Variants in RBFOX2 observed in about 807,000 individuals in gnomAD.
The protein encoded by RBFOX2 is RNA binding protein fox-1 homolog 2.
In RBFOX2, 10 loss-of-function variants were observed where a neutral mutation model predicts 49.1. The observed-to-expected ratio is 0.20, with a 90% CI of 0.13 to 0.35. RBFOX2 has a LOEUF of 0.35. Ranked by LOEUF, RBFOX2 falls within the 10% of genes least tolerant of loss-of-function variation. The pLI is 1.00. For synonymous variants in RBFOX2, 183 were observed against 187.4 expected (o/e 0.98, Z 0.19); for missense variants, 323 against 486.9 (o/e 0.66, Z 3.17).
At chr22:35,880,185 T>C (rs1446480588) in intron 1 of RBFOX2, among the ~76,000 whole-genome samples, 2 of 151,666 alleles carry the variant, frequency 1.3e-5, no homozygotes, top group Non-Finnish European at 2.9e-5. Context: ...TAGTATGGAT[T>C]GAATTTAGGT....
intron 1 of RBFOX2, among the ~76,000 whole-genome samples, chr22:35,816,048 T>C (rs1394954578): frequency 6.6e-6 from 1 of 152,124 alleles, no homozygotes; most frequent in Non-Finnish European, 1.5e-5. Flanking sequence ...ACACTGGATT[T>C]AAAATCATCT....
At chr22:35,993,128 G>A in intron 1 of RBFOX2, 1 of 152,146 alleles carries the variant, frequency 6.6e-6, no homozygotes, top group Non-Finnish European at 1.5e-5. Flanking sequence ...ATAAACAGAT[G>A]CATATACAAG....
chr22:35,902,058 C>A (rs185742175), intron 1 of RBFOX2, among the ~76,000 whole-genome samples: 8 of 151,646 alleles, frequency 5.3e-5, no homozygotes, highest in Non-Finnish European at 1.2e-4. Flanking sequence ...CCAGCCTGGG[C>A]GACAGAGTGA....
intron 6 of RBFOX2, among the ~76,000 whole-genome samples, chr22:35,761,671 T>TG (rs1938930439): frequency 2.0e-5 from 3 of 150,990 alleles, no homozygotes; most frequent in Admixed American, 1.3e-4. Context: ...GGGCTGGGGC[T>TG]GGGGGGCTTG....
In RBFOX2 at chr22:35,818,472, A is replaced by G. The variant is rs1439014135; in HGVS notation, c.28-8468T>C. Among the ~76,000 whole-genome samples the G allele has an allele frequency of 3.3e-5, 5 of 152,288 alleles. No homozygotes were observed. In the East Asian group the frequency reaches 9.7e-4, roughly 29 times the overall value. On this transcript the variant is annotated intron_variant, in intron 1 of 11. Transcript: ENST00000405409. The stretch of plus-strand genomic sequence containing the variant: ...ATGGACAATTAAGTTTGCATCTTCC[A>G]TATGCTAAACTGGAATAGCCTTAAA...
At chr22:35,902,362 C>G (rs1253974993) in intron 1 of RBFOX2, among the ~76,000 whole-genome samples, 1 of 152,174 alleles carries the variant, frequency 6.6e-6, no homozygotes, top group African/African-American at 2.4e-5. Flanking sequence ...ATCACTGCCA[C>G]CTGACACAAC....
intron 1 of RBFOX2, among the ~76,000 whole-genome samples, chr22:35,884,732 G>C (rs1407915746): frequency 2.6e-5 from 4 of 152,218 alleles, no homozygotes; most frequent in Non-Finnish European, 5.9e-5. Context: ...ATAAGGGGAA[G>C]ATAATACACA....
intron 1 of RBFOX2, among the ~76,000 whole-genome samples, chr22:35,954,121 G>C (rs2055277703): frequency 6.6e-6 from 1 of 151,836 alleles, no homozygotes; most frequent in African/African-American, 2.4e-5. Flanking sequence ...GTTTATAGTG[G>C]TCATATGTCT....
intron 1 of RBFOX2, among the ~76,000 whole-genome samples, chr22:35,896,082 T>C (rs1223614541): frequency 1.3e-5 from 2 of 152,190 alleles, no homozygotes; most frequent in South Asian, 2.1e-4. Context: ...CCTTTCTCCA[T>C]GTTCAAATCC....
At chr22:35,982,992 C>T (rs1313100983) in intron 1 of RBFOX2, among the ~76,000 whole-genome samples, 1 of 152,100 alleles carries the variant, frequency 6.6e-6, no homozygotes, top group African/African-American at 2.4e-5. Flanking sequence ...TTCCCTTCCT[C>T]CCCTACAAGG....
intron 2 of RBFOX2, among the ~76,000 whole-genome samples, chr22:35,782,904 G>A (rs990676210): frequency 3.9e-5 from 6 of 151,910 alleles, no homozygotes; most frequent in African/African-American, 1.2e-4. Flanking sequence ...ATTTTAATGG[G>A]TTGTGCATGG....
chr22:35,889,437 G>A (rs2046991516), intron 1 of RBFOX2, among the ~76,000 whole-genome samples: 1 of 151,846 alleles, frequency 6.6e-6, no homozygotes, highest in Non-Finnish European at 1.5e-5. Context: ...CAAAAACCTG[G>A]TCCTCTTCTA....
At chr22:35,768,197 C>T in intron 5 of RBFOX2, 60 bp downstream of exon 6, 1 of 1,557,762 alleles carries the variant, frequency 6.4e-7, no homozygotes, top group South Asian at 1.1e-5. Flanking sequence ...CTAAGTGAGG[C>T]AACACGAAAA....
At chr22:35,896,590 A>C (rs1342481085) in intron 1 of RBFOX2, among the ~76,000 whole-genome samples, 1 of 152,152 alleles carries the variant, frequency 6.6e-6, no homozygotes, top group African/African-American at 2.4e-5. Context: ...GTTACCTGCC[A>C]TAGTGGGGTT....
At chr22:35,826,342 C>CAAAA (rs1160241662) in intron 1 of RBFOX2, among the ~76,000 whole-genome samples, 13 of 62,158 alleles carry the variant, frequency 2.1e-4, no homozygotes, top group Middle Eastern at 9.1e-3. Flanking sequence ...AACTCCATCT[C>CAAAA]AAAAAAAAAA....
chr22:36,008,552 C>G (rs1210260997), intron 1 of RBFOX2, among the ~76,000 whole-genome samples: 8 of 152,174 alleles, frequency 5.3e-5, no homozygotes, highest in Non-Finnish European at 1.0e-4. Flanking sequence ...AGCAGTGGCT[C>G]ATGCTTGTAA....
At chr22:35,746,518 G>T (rs767879432) in exon 10 of RBFOX2, 34 of 1,610,490 alleles carry the variant, frequency 2.1e-5, no homozygotes, top group Non-Finnish European at 2.9e-5. Flanking sequence ...GGTGGCTGCG[G>T]TTGCAGTAGC....
intron 2 of RBFOX2, among the ~76,000 whole-genome samples, chr22:35,795,097 T>G (rs1415695750): frequency 1.3e-5 from 2 of 152,186 alleles, no homozygotes; most frequent in Admixed American, 6.5e-5. Flanking sequence ...GGTGATAGCT[T>G]CCTTATGGAT....
chr22:35,898,810 C>A (rs990234807), intron 1 of RBFOX2, among the ~76,000 whole-genome samples: 16 of 151,988 alleles, frequency 1.1e-4, no homozygotes, highest in African/African-American at 3.9e-4. Context: ...ATAGTGTTAT[C>A]TTTTAATCAA....
Sources: allele counts gnomAD v4.1 joint callset (sites outside exome capture counted in the v4.1 genomes callset), GRCh38; gene constraint gnomAD v4.1.1; transcripts MANE v1.5; gene names NCBI Gene and HGNC (gene_info 2026-07-23, HGNC 2026-07-21).